The following CACNB4 variants were observed in gnomAD, a reference collection of about 807,000 sequenced individuals.
The protein encoded by CACNB4 is calcium voltage-gated channel auxiliary subunit beta 4, also known as voltage-dependent L-type calcium channel subunit beta-4.
A neutral mutation model predicts 71.2 loss-of-function variants in CACNB4; 32 were observed. That is an observed-to-expected ratio of 0.45 (90% CI 0.34 to 0.60). CACNB4 has a LOEUF of 0.60. CACNB4 is among the 20% of genes least tolerant of loss of function. CACNB4 has a pLI of 0.01. For synonymous variants in CACNB4, 231 were observed against 236.9 expected, an observed-to-expected ratio of 0.97 and a Z score of 0.23; for missense variants, 464 against 647.9, an observed-to-expected ratio of 0.72 and a Z score of 3.08.
At chr2:152,083,810 A>C (rs528809268) in intron 2 of CACNB4, among the ~76,000 whole-genome samples, 2 of 152,312 alleles carry the variant, frequency 1.3e-5, no homozygotes, top group Admixed American at 1.3e-4. Flanking sequence ...TTCTGAAAGC[A>C]TCTTCCACAA....
intron 2 of CACNB4, chr2:151,969,010 A>C (rs2099871839): frequency 6.6e-6 from 1 of 152,244 alleles, no homozygotes; most frequent in Non-Finnish European, 1.5e-5. Flanking sequence ...TATATTTTAG[A>C]AAACCATCAT....
At chr2:152,061,312 TA>T (rs955971365) in intron 2 of CACNB4, among the ~76,000 whole-genome samples, 10 of 150,998 alleles carry the variant, frequency 6.6e-5, no homozygotes, top group African/African-American at 1.7e-4. Context: ...ATCCTGTCTC[TA>T]AAAAAAAATT....
At chr2:151,954,047 T>G (rs2099867582) in intron 2 of CACNB4, among the ~76,000 whole-genome samples, 1 of 152,216 alleles carries the variant, frequency 6.6e-6, no homozygotes. Flanking sequence ...CATCTTAACA[T>G]GAATGACCAT....
intron 2 of CACNB4, among the ~76,000 whole-genome samples, chr2:151,917,098 C>T (rs1171678363): frequency 6.6e-6 from 1 of 152,160 alleles, no homozygotes; most frequent in Non-Finnish European, 1.5e-5. Flanking sequence ...ACAAATATAG[C>T]TTTCCTTTAA....
intron 10 of CACNB4, chr2:151,856,824 C>T (rs2099840436): frequency 6.6e-6 from 1 of 152,190 alleles, no homozygotes; most frequent in African/African-American, 2.4e-5. Flanking sequence ...GTGATCCTCC[C>T]ACCTCAGCTT....
At chr2:151,892,464 C>T (rs1260741802) in intron 2 of CACNB4, among the ~76,000 whole-genome samples, 1 of 151,986 alleles carries the variant, frequency 6.6e-6, no homozygotes, top group East Asian at 1.9e-4. Context: ...AGGACTTGAG[C>T]CTCGCCCATG....
intron 2 of CACNB4, among the ~76,000 whole-genome samples, chr2:151,959,258 C>A (rs2099869058): frequency 6.6e-6 from 1 of 152,190 alleles, no homozygotes. Flanking sequence ...TATACATCTT[C>A]CATTAAATAC....
chr2:151,909,708 G>A (rs536159820), intron 2 of CACNB4, among the ~76,000 whole-genome samples: 5 of 152,106 alleles, frequency 3.3e-5, no homozygotes, highest in Admixed American at 2.0e-4. Flanking sequence ...TGCTGAGGAT[G>A]ATGGCTTCTA....
chr2:152,004,542 C>T (rs753600367), intron 2 of CACNB4, among the ~76,000 whole-genome samples: 44,308 of 148,698 alleles, frequency 0.3, 7,527 homozygotes, highest in African/African-American at 0.47. Flanking sequence ...TACACACACA[C>T]ACACACACAC....
At chr2:151,984,571 GAGA>G (rs1409521297) in intron 2 of CACNB4, among the ~76,000 whole-genome samples, 2 of 152,128 alleles carry the variant, frequency 1.3e-5, no homozygotes, top group African/African-American at 4.8e-5. Context: ...AAAGTTTGGG[GAGA>G]AGAACAAAAG....
intron 2 of CACNB4, among the ~76,000 whole-genome samples, chr2:151,895,419 T>C (rs2099851817): frequency 6.6e-6 from 1 of 151,754 alleles, no homozygotes; most frequent in South Asian, 2.1e-4. Flanking sequence ...CTCCAACTAA[T>C]AAAATGTGAA....
chr2:152,030,704 T>A (rs1684238764), intron 2 of CACNB4, among the ~76,000 whole-genome samples: 1 of 152,224 alleles, frequency 6.6e-6, no homozygotes, highest in Non-Finnish European at 1.5e-5. Flanking sequence ...AGTGTTTGGT[T>A]TTCTGTCCCT....
chr2:151,988,224 C>T (rs183490156), intron 2 of CACNB4, among the ~76,000 whole-genome samples: 161 of 152,140 alleles, frequency 1.1e-3, no homozygotes, highest in Non-Finnish European at 2.1e-3. Flanking sequence ...CTTAGACAAA[C>T]CAGTCTCCCT....
chr2:152,007,624 T>G (rs927429798), intron 2 of CACNB4, among the ~76,000 whole-genome samples: 1 of 152,240 alleles, frequency 6.6e-6, no homozygotes, highest in Non-Finnish European at 1.5e-5. Context: ...CGTCTGTGGA[T>G]GGACACTTGG....
intron 2 of CACNB4, among the ~76,000 whole-genome samples, chr2:152,047,841 G>A (rs1295575258): frequency 1.3e-5 from 2 of 152,244 alleles, no homozygotes. Context: ...GGAGGTTGCA[G>A]TGAGCTGAGA....
At chr2:152,053,987 T>C (rs1377733458) in intron 2 of CACNB4, among the ~76,000 whole-genome samples, 1 of 152,140 alleles carries the variant, frequency 6.6e-6, no homozygotes, top group African/African-American at 2.4e-5. Flanking sequence ...AAGTAGCTAG[T>C]GTCAGAATTG....
chr2:152,085,879 T>C (rs1687636560), intron 2 of CACNB4, among the ~76,000 whole-genome samples: 1 of 151,566 alleles, frequency 6.6e-6, no homozygotes, highest in Admixed American at 6.6e-5. Context: ...ACCTATACTT[T>C]AAAATAAAAT....
intron 2 of CACNB4, among the ~76,000 whole-genome samples, chr2:151,946,345 C>T (rs1238294891): frequency 6.7e-6 from 1 of 149,266 alleles, no homozygotes; most frequent in Non-Finnish European, 1.5e-5. Flanking sequence ...AAAAAAAAGG[C>T]TCCCAATGAG....
intron 2 of CACNB4, among the ~76,000 whole-genome samples, chr2:151,886,826 G>C (rs1214673177): frequency 6.6e-6 from 1 of 152,098 alleles, no homozygotes; most frequent in Non-Finnish European, 1.5e-5. Flanking sequence ...TTTTGGTTTG[G>C]TTTGGTTTAT....
Sources: gnomAD v4.1 joint callset for allele counts (sites outside exome capture counted in the v4.1 genomes callset) on GRCh38, gnomAD v4.1.1 for gene constraint, MANE v1.5 for transcripts, NCBI Gene and HGNC (gene_info 2026-07-23, HGNC 2026-07-21) for gene names.